The following ACP4 variants were observed in gnomAD, a reference collection of about 807,000 sequenced individuals.
ACP4 encodes the protein testicular acid phosphatase.
In ACP4, 49 loss-of-function variants were observed where a neutral mutation model predicts 47.3. The observed-to-expected ratio is 1.04, with a 90% CI of 0.82 to 1.32. The LOEUF is 1.32. Ranked by LOEUF, ACP4 falls within the 40% of genes most tolerant of loss-of-function variation. The probability of loss-of-function intolerance (pLI) is 0.00; values close to 1 mark genes in which losing one functional copy is unlikely to be tolerated. For synonymous variants in ACP4, 299 were observed against 265.3 expected (o/e 1.13, Z -1.23); for missense variants, 594 against 579.3 (o/e 1.03, Z -0.26).
intron 8 of ACP4, 136 bp downstream of exon 8, chr19:50,794,106 C>T (rs2089533903): frequency 1.2e-5 from 12 of 998,432 alleles, no homozygotes; most frequent in South Asian, 1.4e-5. Flanking sequence ...CCAAACCCTA[C>T]TCTCAGGCTC....
intron 4 of ACP4, 75 bp from the exon 5 acceptor site, chr19:50,791,998 C>T: frequency 6.7e-6 from 10 of 1,488,324 alleles, no homozygotes; most frequent in Non-Finnish European, 9.0e-6. Context: ...GGCCGAGAGC[C>T]CGGGTTCCCC....
In ACP4 at chr19:50,791,687, C is replaced by G; in HGVS notation, c.335C>G (p.Thr112Arg). Residue 112 changes from threonine (T) to arginine (R), a missense_variant, in exon 4 of 11, where the codon ACG (threonine) becomes AGG (arginine). Physicochemically the swap from Thr to Arg is moderately conservative, Grantham distance 71 (BLOSUM62 -1). Coordinates refer to ENST00000270593, the MANE Select transcript of ACP4 (RefSeq NM_033068.3). The part of the protein sequence containing the change: ...VYIRSTDFDR[T>R]LESAQANLAG... ...ATCCGCAGCACGGACTTTGACCGCACGCTGGAGAGTGCCCAGGCCAACCTT... is the reference window on the plus strand; with the variant it reads ...ATCCGCAGCACGGACTTTGACCGCAGGCTGGAGAGTGCCCAGGCCAACCTT... 1.2e-6 allele frequency: 2 copies of G among 1,613,378 alleles called. No individual in the cohort carries two copies. The highest frequency in any genetic ancestry group is 1.7e-6 in the Non-Finnish European group (2 of 1,179,908).
rs756735947 is a variant in ACP4, at chr19:50,792,173, T to C, written c.549+2T>C. Reference sequence around the variant, plus strand: ...CAGGAGGCCCTGGAGGGCTGGACGGTGAGCAGGGCGGCGGTGGGGGGCGGG... The same window carrying C: ...CAGGAGGCCCTGGAGGGCTGGACGGCGAGCAGGGCGGCGGTGGGGGGCGGG... On this transcript the variant is annotated splice_donor_variant, in intron 5 of 10. Transcript: ENST00000270593. LOFTEE classifies it high-confidence loss of function. The C allele has an allele frequency of 6.2e-7, 1 of 1,610,112 alleles. No homozygotes were observed. Among genetic ancestry groups the C allele is most frequent in the Non-Finnish European group, 8.5e-7 (1 of 1,179,346 alleles).
At chr19:50,790,958 C>A in intron 3 of ACP4, 98 bp downstream of exon 3, 3 of 1,175,372 alleles carry the variant, frequency 2.6e-6, no homozygotes, top group Non-Finnish European at 3.6e-6. Context: ...TGGCCTTTGA[C>A]CTCCATCAAC....
At chr19:50,791,002 C>T (rs567340920) in intron 3 of ACP4, 142 bp downstream of exon 3, 7 of 792,086 alleles carry the variant, frequency 8.8e-6, no homozygotes, top group South Asian at 1.8e-5. Flanking sequence ...CTCTGACCCC[C>T]GATACACTGA....
chr19:50,794,677 G>A (rs1599913188), intron 9 of ACP4, 96 bp downstream of exon 9: 1 of 1,598,328 alleles, frequency 6.3e-7, no homozygotes, highest in Non-Finnish European at 8.5e-7. Context: ...GTGGGGAGCT[G>A]CATGGGATGA....
At chr19:50,794,416 CCA>C in intron 8 of ACP4, 39 bp from the exon 9 acceptor site, 1 of 1,610,246 alleles carries the variant, frequency 6.2e-7, no homozygotes, top group East Asian at 2.2e-5. Flanking sequence ...AGAAAGGCCT[CCA>C]GAGAGAAGTG....
In ACP4 at chr19:50,794,349, G is replaced by C. The variant is rs997664548; in HGVS notation, c.862-108G>C. ...AGGATGGGAGGAAGGAGTAGCTTTGGGGGGTTGGTTCTAAGAAGCCTGGGG... is the reference window on the plus strand; with the variant it reads ...AGGATGGGAGGAAGGAGTAGCTTTGCGGGGTTGGTTCTAAGAAGCCTGGGG... On this transcript the variant is annotated intron_variant, in intron 8 of 10. Coordinates refer to ENST00000270593, the MANE Select transcript of ACP4 (RefSeq NM_033068.3). 7 of 1,470,630 alleles carry C rather than the reference G, an allele frequency of 4.8e-6. No homozygotes were observed. The African/African-American group carries it at 9.8e-5, about 21-fold the overall frequency. The allele number at this position is 1,470,630 out of a possible 1,614,324, so 91.1% of individuals were successfully genotyped here.
At position 50,794,953 on chromosome 19, in the gene ACP4, C is replaced by T. The variant is rs777179319; in HGVS notation, c.1154C>T (p.Ala385Val). 2 of 1,612,730 alleles carry T rather than the reference C, an allele frequency of 1.2e-6. No individual in the cohort carries two copies. The highest frequency in any genetic ancestry group is 1.7e-6 in the Non-Finnish European group (2 of 1,179,468). Reference sequence around the variant, plus strand: ...TCCTGCCATGGCCCCTATGAGGCTGCCATCCCCCCAGGTGACAGTCCTCTG... The same window carrying T: ...TCCTGCCATGGCCCCTATGAGGCTGTCATCCCCCCAGGTGACAGTCCTCTG... Reference protein sequence around the residue: ...GVSCHGPYEAAIPPAPVVPLL... With the variant: ...GVSCHGPYEAVIPPAPVVPLL... The change falls in exon 10 of 11, where the codon GCC (alanine) becomes GTC (valine). Residue 385 changes from alanine to valine, a missense_variant. Transcript: ENST00000270593.
Position 50,794,854 on chromosome 19 carries a change from G to T in ACP4, c.1055G>T (p.Gly352Val), listed in dbSNP as rs765918075. ...AHLPLPLSLP[G>V]CPAPCPLGRF... is the part of the protein sequence containing the mutation. ...CTGCCCCTGCCTCTCAGCCTCCCCG[G>T]GTGCCCGGCCCCCTGTCCACTAGGC... Residue 352 changes from glycine to valine, a missense_variant, in exon 10 of 11, where the codon GGG (glycine) becomes GTG (valine). Coordinates refer to ENST00000270593, the MANE Select transcript of ACP4 (RefSeq NM_033068.3). The T allele has an allele frequency of 6.2e-7, 1 of 1,613,634 alleles. No individual in the cohort carries two copies. Among genetic ancestry groups the T allele is most frequent in the Non-Finnish European group, 8.5e-7 (1 of 1,179,846 alleles).
In ACP4 at chr19:50,790,822, T is replaced by C. The variant is rs2089497785; in HGVS notation, c.265T>C (p.Tyr89His). Residue 89 changes from tyrosine to histidine, a missense_variant, in exon 3 of 11, where the codon TAC becomes CAC. Physicochemically the swap from Tyr to His is moderately conservative, Grantham distance 83 (BLOSUM62 2). Coordinates refer to ENST00000270593, the MANE Select transcript of ACP4 (RefSeq NM_033068.3). ...GCTGGGCCGCTTCCTGAGGAGCCGC[T>C]ACGAGGCCTTCCTGAGTCCGGAGTA... ...LELGRFLRSR[Y>H]EAFLSPEYRR... 1 of 1,548,872 alleles carries C rather than the reference T, an allele frequency of 6.5e-7. No individual in the cohort carries two copies. Among genetic ancestry groups the C allele is most frequent in the Non-Finnish European group, 8.7e-7 (1 of 1,146,778 alleles).
chr19:50,791,844 T>G, intron 4 of ACP4, 42 bp downstream of exon 4: 1 of 1,547,932 alleles, frequency 6.5e-7, no homozygotes, highest in Non-Finnish European at 8.7e-7. Context: ...AGGGAGCGGG[T>G]GGAGAGAGAG....
At position 50,791,773 on chromosome 19, in the gene ACP4, G is replaced by C; in HGVS notation, c.421G>C (p.Val141Leu). The change falls in exon 4 of 11, where the codon GTG (valine) becomes CTG (leucine). Residue 141 changes from valine (V) to leucine (L), a missense_variant. Physicochemically the swap from Val to Leu is conservative, Grantham distance 32. Transcript: ENST00000270593. ...SPEARWRPIP[V>L]HTVPVAEDKL... The stretch of plus-strand genomic sequence containing the variant: ...CGAGGCCCGCTGGAGGCCGATCCCG[G>C]TGCACACGGTGCCCGTGGCTGAGGA... The C allele has an allele frequency of 6.2e-7, 1 of 1,611,504 alleles. No homozygotes were observed. Among genetic ancestry groups the C allele is most frequent in the Non-Finnish European group, 8.5e-7 (1 of 1,179,252 alleles).
At position 50,790,452 on chromosome 19, in the gene ACP4, C is replaced by G. The variant is rs2089490826; in HGVS notation, c.38C>G (p.Pro13Arg). The G allele has an allele frequency of 1.3e-6, 2 of 1,584,742 alleles. No homozygotes were observed. Among genetic ancestry groups the G allele is most frequent in the African/African-American group, 2.7e-5 (2 of 74,530 alleles). Reference protein sequence around the residue: ...GLGFWGHPAGPLLLLLLLVLP... With the variant: ...GLGFWGHPAGRLLLLLLLVLP... The stretch of plus-strand genomic sequence containing the variant: ...GGGTTTTGGGGCCACCCTGCTGGAC[C>G]TCTCCTGCTGCTGCTGCTGCTGGTG... Residue 13 changes from proline to arginine, a missense_variant, in exon 1 of 11, where the codon CCT becomes CGT. By Grantham distance (103) the Pro-to-Arg change is moderately radical. Coordinates refer to ENST00000270593, the MANE Select transcript of ACP4 (RefSeq NM_033068.3).
chr19:50,793,345 A>G, intron 6 of ACP4: 1 of 254,952 alleles, frequency 3.9e-6, no homozygotes, highest in Non-Finnish European at 7.7e-6. Context: ...CCCCGTCTCT[A>G]CTAAAAATAA....
Position 50,790,635 on chromosome 19 carries a change from C to T in ACP4, c.153C>T (p.Pro51=), listed in dbSNP as rs1478444625. 2 of 1,553,716 alleles carry T rather than the reference C, an allele frequency of 1.3e-6. No homozygotes were observed. Among genetic ancestry groups the T allele is most frequent in the African/African-American group, 1.4e-5 (1 of 73,380 alleles). The part of the protein sequence containing the change: ...HGDRAPLASY[P]MDPHKEVAST... ...ACCGGGCCCCGCTGGCCTCCTACCCCATGGACCCACACAAGGAGGTGGCCT... is the reference window on the plus strand; with the variant it reads ...ACCGGGCCCCGCTGGCCTCCTACCCTATGGACCCACACAAGGAGGTGGCCT... Residue 51 remains proline, a synonymous_variant, in exon 2 of 11, where the codon CCC becomes CCT. Coordinates refer to ENST00000270593, the MANE Select transcript of ACP4 (RefSeq NM_033068.3).
chr19:50,790,488 G>A lies in ACP4; in HGVS notation c.74G>A (p.Arg25Gln), dbSNP rs201004605. 20 of 1,559,234 alleles carry A rather than the reference G, an allele frequency of 1.3e-5. No homozygotes were observed. The highest frequency in any genetic ancestry group is 1.2e-4 in the Admixed American group (6 of 52,038). Residue 25 changes from arginine (R) to glutamine (Q), a missense_variant, in exon 1 of 11, where the codon CGG (arginine) becomes CAG (glutamine). Transcript: ENST00000270593. ...CTGCTGCTGCTGGTGCTGCCACCCC[G>A]GGCCCTGCCAGAAGGACCCCTGGTG... ...LLLLLLVLPPRALPEGPLVFV... is the reference protein window; with the variant it reads ...LLLLLLVLPPQALPEGPLVFV...
In ACP4 at chr19:50,793,982, G is replaced by C; in HGVS notation, c.861+12G>C. ...TCATGTACTCAGCTGTGAGTCCTTG[G>C]GAAGCAGTGCCACATGGCACTGAGG... On this transcript the variant is annotated intron_variant, in intron 8 of 10. Coordinates refer to ENST00000270593, the MANE Select transcript of ACP4 (RefSeq NM_033068.3). 2.5e-6 allele frequency: 4 copies of C among 1,613,810 alleles called. No individual in the cohort carries two copies. The highest frequency in any genetic ancestry group is 3.4e-6 in the Non-Finnish European group (4 of 1,179,960).
In ACP4 at chr19:50,790,875, A is replaced by AC. The variant is rs777345491; in HGVS notation, c.303+20dup. 1 of 1,539,130 alleles carries AC rather than the reference A, an allele frequency of 6.5e-7. No individual in the cohort carries two copies. The highest frequency in any genetic ancestry group is 8.8e-7 in the Non-Finnish European group (1 of 1,141,640). On this transcript the variant is annotated intron_variant, in intron 3 of 10. Transcript: ENST00000270593. The stretch of plus-strand genomic sequence containing the variant: ...GGCGGGAGGAGGTAGGGCCATAGTG[A>AC]CCCCCACCTGGCCCCCTGACCTCCC...
Sources: allele counts gnomAD v4.1 joint callset, GRCh38; gene constraint gnomAD v4.1.1; transcripts MANE v1.5; gene names NCBI Gene and HGNC (gene_info 2026-07-23, HGNC 2026-07-21).